PCDH15: variants seen among roughly 807,000 people sequenced by gnomAD.
The protein encoded by PCDH15 is protocadherin-15.
Under a neutral mutation model 178.5 loss-of-function variants are expected in PCDH15, and 129 were observed. The observed-to-expected ratio is 0.72, with a 90% CI of 0.63 to 0.84. The LOEUF (loss-of-function observed/expected upper bound fraction) is 0.84, where lower values mean the gene tolerates loss of function less well. PCDH15 is among the 40% of genes least tolerant of loss of function. The probability of loss-of-function intolerance (pLI) is 0.00; values close to 1 mark genes in which losing one functional copy is unlikely to be tolerated. For synonymous variants in PCDH15, 800 were observed against 732.0 expected (o/e 1.09, Z -1.50); for missense variants, 2,230 against 2,099.9 (o/e 1.06, Z -1.21).
At chr10:55,404,018 G>A (rs1413279940) in intron 2 of PCDH15, among the ~76,000 whole-genome samples, 1 of 151,996 alleles carries the variant, frequency 6.6e-6, no homozygotes, top group Non-Finnish European at 1.5e-5. Context: ...AAAGTTGCTG[G>A]ATGGTTGTGT....
intron 3 of PCDH15, among the ~76,000 whole-genome samples, chr10:54,490,652 C>T (rs758051822): frequency 3.9e-4 from 59 of 151,948 alleles, no homozygotes; most frequent in Non-Finnish European, 6.8e-4. Flanking sequence ...CATATGCCAT[C>T]CCACCCGATC....
At chr10:53,814,563 T>TGAGTA (rs1380624572) in intron 35 of PCDH15, among the ~76,000 whole-genome samples, 1 of 152,038 alleles carries the variant, frequency 6.6e-6, no homozygotes, top group African/African-American at 2.4e-5. Flanking sequence ...ATTTCTGAGT[T>TGAGTA]GAGTAAAGAG....
At chr10:54,673,354 T>C (rs138364931) in intron 1 of PCDH15, among the ~76,000 whole-genome samples, 1 of 152,272 alleles carries the variant, frequency 6.6e-6, no homozygotes, top group African/African-American at 2.4e-5. Flanking sequence ...GTTAGTTTGC[T>C]GAAAATGATG....
chr10:54,627,650 A>G (rs905970499), intron 2 of PCDH15, among the ~76,000 whole-genome samples: 4 of 152,202 alleles, frequency 2.6e-5, no homozygotes, highest in Non-Finnish European at 5.9e-5. Flanking sequence ...AAATGGACTA[A>G]TACAGCCAGG....
chr10:55,604,462 A>C (rs2132149976), intron 2 of PCDH15, among the ~76,000 whole-genome samples: 1 of 151,272 alleles, frequency 6.6e-6, no homozygotes. Flanking sequence ...GCACCACACC[A>C]CACCTATTCC....
intron 28 of PCDH15, among the ~76,000 whole-genome samples, chr10:53,845,804 C>T (rs1200038443): frequency 6.6e-6 from 1 of 151,564 alleles, no homozygotes; most frequent in Admixed American, 6.6e-5. Flanking sequence ...TAGTATTCAA[C>T]AGTACGGTAG....
At chr10:54,770,819 A>G (rs1057214878) in intron 1 of PCDH15, among the ~76,000 whole-genome samples, 2 of 152,016 alleles carry the variant, frequency 1.3e-5, no homozygotes, top group Non-Finnish European at 2.9e-5. Flanking sequence ...GTTCCCCTTC[A>G]CTAGACCCCC....
At chr10:55,426,638 G>A (rs182789857) in intron 2 of PCDH15, among the ~76,000 whole-genome samples, 4 of 152,244 alleles carry the variant, frequency 2.6e-5, no homozygotes, top group African/African-American at 4.8e-5. Flanking sequence ...TTCCAACAGC[G>A]AGGGCAAAGG....
chr10:54,711,724 TATTC>T (rs377545841), intron 1 of PCDH15, among the ~76,000 whole-genome samples: 12 of 151,510 alleles, frequency 7.9e-5, no homozygotes, highest in African/African-American at 1.7e-4. Context: ...TACAGGAGTT[TATTC>T]ATTCAACCTT....
At chr10:54,945,540 A>T (rs974935717) in intron 2 of PCDH15, among the ~76,000 whole-genome samples, 2 of 151,528 alleles carry the variant, frequency 1.3e-5, no homozygotes, top group Non-Finnish European at 3.0e-5. Flanking sequence ...ATTTGTATTG[A>T]TCACTATTTG....
rs1205809430 is a variant in PCDH15 at position 54,503,928 on chromosome 10, C to CAT, written c.157+23883_157+23884insAT. ...CAACTTGTTCCCCTGATGCCTGAGG[C>CAT]CAATGCACAGTGTCCGGAATTTTCC... On this transcript the variant is annotated intron_variant, in intron 3 of 37. Coordinates refer to ENST00000644397, the MANE Select transcript of PCDH15 (RefSeq NM_001384140.1). Among the ~76,000 whole-genome samples the CAT allele has an allele frequency of 1.2e-3, 183 of 152,128 alleles. 1 individual carries two copies. The highest frequency in any genetic ancestry group is 1.4e-3 in the Non-Finnish European group (97 of 67,976).
chr10:55,247,239 G>A (rs969670665), intron 1 of PCDH15, among the ~76,000 whole-genome samples: 1 of 152,110 alleles, frequency 6.6e-6, no homozygotes, highest in Non-Finnish European at 1.5e-5. Flanking sequence ...CTCTCATAGT[G>A]GCCAGCCTAT....
chr10:54,853,304 T>TAC (rs1564570205), intron 3 of PCDH15, among the ~76,000 whole-genome samples: 2 of 124,188 alleles, frequency 1.6e-5, no homozygotes, highest in Admixed American at 1.9e-4. Flanking sequence ...TATATATATA[T>TAC]ATATATATAT....
In PCDH15 at chr10:54,267,347, C is replaced by T. The variant is rs575591676; in HGVS notation, c.877-30416G>A. On this transcript the variant is annotated intron_variant, in intron 8 of 37. Transcript: ENST00000644397. ...TAAATAGGCAAAAGTTGGAGGAATT[C>T]TCATAAGAACAAGAACAAAACAAGA... is the stretch of plus-strand genomic sequence containing the variant. Among the ~76,000 whole-genome samples the T allele has an allele frequency of 5.9e-5, 9 of 151,888 alleles. 1 individual carries two copies. The East Asian group carries it at 1.5e-3, about 26-fold the overall frequency.
At chr10:55,427,853 A>T (rs1405662939) in intron 2 of PCDH15, among the ~76,000 whole-genome samples, 1 of 152,132 alleles carries the variant, frequency 6.6e-6, no homozygotes, top group Non-Finnish European at 1.5e-5. Flanking sequence ...TTTAACTCTC[A>T]ACTAGGATCT....
At chr10:54,043,045 G>A (rs951238128) in intron 18 of PCDH15, among the ~76,000 whole-genome samples, 1 of 152,078 alleles carries the variant, frequency 6.6e-6, no homozygotes, top group Non-Finnish European at 1.5e-5. Flanking sequence ...CTGTACAGGA[G>A]TTCAGAGTAA....
chr10:55,258,143 T>C (rs1384163044), intron 1 of PCDH15, among the ~76,000 whole-genome samples: 1 of 152,190 alleles, frequency 6.6e-6, no homozygotes, highest in African/African-American at 2.4e-5. Flanking sequence ...GATTTAATCT[T>C]ATCATTGGAA....
intron 2 of PCDH15, among the ~76,000 whole-genome samples, chr10:55,115,833 G>T (rs376352363): frequency 2.2e-4 from 33 of 152,254 alleles, no homozygotes; most frequent in African/African-American, 7.9e-4. Context: ...AGAATTAAAA[G>T]AAATCTTGTA....
chr10:53,945,856 T>C (rs866773405), intron 23 of PCDH15, among the ~76,000 whole-genome samples: 6,046 of 131,824 alleles, frequency 0.046, 213 homozygotes, highest in East Asian at 0.062. Context: ...TATATATATA[T>C]ATATATATAT....
Sources: gnomAD v4.1 joint callset for allele counts (sites outside exome capture counted in the v4.1 genomes callset) on GRCh38, gnomAD v4.1.1 for gene constraint, MANE v1.5 for transcripts, NCBI Gene and HGNC (gene_info 2026-07-23, HGNC 2026-07-21) for gene names.